Variants in PDLIM2 observed in about 807,000 individuals in gnomAD.
PDLIM2 encodes the protein PDZ and LIM domain protein 2.
A neutral mutation model predicts 54.1 loss-of-function variants in PDLIM2; 51 were observed. The observed-to-expected ratio is 0.94, with a 90% CI of 0.75 to 1.19. The LOEUF is 1.19. PDLIM2 is among the 50% of genes most tolerant of loss of function. PDLIM2 has a pLI of 0.00. For synonymous variants in PDLIM2, 398 were observed against 385.6 expected (o/e 1.03, Z -0.38); for missense variants, 912 against 874.0 (o/e 1.04, Z -0.55).
At chr8:22,589,825 T>G in intron 8 of PDLIM2, 84 bp downstream of exon 7, 2 of 1,513,772 alleles carry the variant, frequency 1.3e-6, no homozygotes, top group South Asian at 1.2e-5. Flanking sequence ...GAACCAGTGT[T>G]CTTAAGTGCC....
chr8:22,579,336 G>A lies in PDLIM2; in HGVS notation c.557G>A (p.Trp186Ter), dbSNP rs1047854793. The A allele has an allele frequency of 1.1e-4, 159 of 1,460,526 alleles. No homozygotes were observed. The highest frequency in any genetic ancestry group is 1.3e-4 in the Non-Finnish European group (146 of 1,113,446). 90.5% of individuals were successfully genotyped at this position (1,460,526 alleles called of 1,614,324 possible). ...GGCCTCGTCCGCGGCCCAGCTCCCT[G>A]GAGCCTCGCATCAGCGGGGGCGCCC... The change falls in exon 1 of 10, where the codon TGG (tryptophan) becomes TAG (stop). Residue 186 changes from tryptophan (W) to a stop codon, truncating the protein, a stop_gained. Coordinates refer to ENST00000308354, the Ensembl canonical transcript of PDLIM2. LOFTEE classifies it high-confidence loss of function.
exon 1 of PDLIM2, chr8:22,579,391 G>T: frequency 6.7e-7 from 1 of 1,502,158 alleles, no homozygotes. Context: ...CGGCCGGAGC[G>T]CTCCTCCTCC....
In PDLIM2 at chr8:22,585,103, C is replaced by A. The variant is rs1800336564; in HGVS notation, c.1152C>A (p.Ser384Arg). ...CCTCCCTCAGCCCGAGGGCCGGCAG[C>A]CCCTTCTCACCACCACCCTCTAGCA... Residue 384 changes from serine to arginine, a missense_variant, in exon 5 of 10, where the codon AGC (serine) becomes AGA (arginine). Transcript: ENST00000308354. 3 of 1,613,952 alleles carry A rather than the reference C, an allele frequency of 1.9e-6. No homozygotes were observed. In the South Asian group the frequency reaches 3.3e-5, roughly 18 times the overall value.
chr8:22,582,790 C>T (rs1046018538), intron 3 of PDLIM2, among the ~76,000 whole-genome samples: 1 of 151,922 alleles, frequency 6.6e-6, no homozygotes, highest in Non-Finnish European at 1.5e-5. Context: ...CCACGTTGGC[C>T]AGGATGGTCT....
intron 8 of PDLIM2, chr8:22,589,963 G>A: frequency 3.4e-6 from 2 of 582,678 alleles, no homozygotes; most frequent in Non-Finnish European, 6.0e-6. Flanking sequence ...CAGAGTAGTG[G>A]GCAGTAGCCA....
At chr8:22,593,884 C>T (rs551380466) in exon 10 of PDLIM2, 1 of 1,549,918 alleles carries the variant, frequency 6.5e-7, no homozygotes, top group African/African-American at 1.4e-5. Flanking sequence ...CTACTCCGCA[C>T]CTGCCACCCT....
chr8:22,578,832 C>G, exon 1 of PDLIM2: 1 of 1,234,464 alleles, frequency 8.1e-7, no homozygotes, highest in Non-Finnish European at 1.0e-6. Context: ...GGGCTGCCCC[C>G]TCGATCGTCT....
At chr8:22,584,153 CACTATGGCT>C (rs1406080799) in intron 3 of PDLIM2, among the ~76,000 whole-genome samples, 94 of 151,126 alleles carry the variant, frequency 6.2e-4, no homozygotes, top group Non-Finnish European at 1.2e-3. Flanking sequence ...AGGCATGCGT[CACTATGGCT>C]TGGCTAAATT....
intron 7 of PDLIM2, 102 bp from the exon 7 acceptor site, chr8:22,589,494 A>G: frequency 1.3e-6 from 2 of 1,519,962 alleles, no homozygotes; most frequent in Non-Finnish European, 1.8e-6. Context: ...TCCACCTCCC[A>G]GATTCCTCCC....
At chr8:22,580,108 T>C (rs77875162) in intron 1 of PDLIM2, 5,591 of 227,374 alleles carry the variant, frequency 0.025, 335 homozygotes, top group African/African-American at 0.12. Context: ...GCCTGTTCCT[T>C]GACCCGTCAC....
chr8:22,579,137 G>A, exon 1 of PDLIM2: 3 of 1,313,448 alleles, frequency 2.3e-6, no homozygotes, highest in African/African-American at 1.5e-5. Flanking sequence ...CCCAGAGTCG[G>A]GTAGACGGCA....
chr8:22,593,630 TC>T, intron 9 of PDLIM2, 102 bp from the exon 9 acceptor site: 1 of 751,130 alleles, frequency 1.3e-6, no homozygotes, highest in Non-Finnish European at 2.0e-6. Flanking sequence ...GGCTTTGGGC[TC>T]CACCCAGGTC....
downstream of PDLIM2, chr8:22,594,589 G>C (rs534979470): frequency 3.3e-4 from 527 of 1,614,078 alleles, 13 homozygotes; most frequent in South Asian, 5.5e-3. Context: ...AGGGGATGGT[G>C]GAGGGCGCCA....
At chr8:22,594,129 T>C (rs756323818) in exon 10 of PDLIM2, 5 of 1,425,320 alleles carry the variant, frequency 3.5e-6, no homozygotes, top group Non-Finnish European at 3.7e-6. Context: ...GGACTGGCAT[T>C]GCACTAGTCT....
Position 22,581,538 on chromosome 8 carries a change from C to G in PDLIM2, c.995+8C>G. 1 of 1,565,668 alleles carries G rather than the reference C, an allele frequency of 6.4e-7. No homozygotes were observed. The highest frequency in any genetic ancestry group is 8.6e-7 in the Non-Finnish European group (1 of 1,162,322). On this transcript the variant is annotated splice_region_variant and intron_variant, in intron 3 of 9. Transcript: ENST00000308354. ...GCGGCTGCAGCTGGACCGGTAGGGC[C>G]TCCCGCTCTGCAGAGCCTGTGGCAT...
Position 22,579,377 on chromosome 8 carries a change from TC to T in PDLIM2, c.602del (p.Pro201ArgfsTer53). 6.7e-7 allele frequency: 1 copy of T among 1,496,254 alleles called. No individual in the cohort carries two copies. The highest frequency in any genetic ancestry group is 2.8e-5 in the East Asian group (1 of 35,748). 92.7% of individuals were successfully genotyped at this position (1,496,254 alleles called of 1,614,324 possible). A position where few individuals can be genotyped will look rare whatever the true frequency, so the allele number is the denominator to read the frequency against. ...GGGGGCGCCCCCGCGAGCTGCGCTC[TC>T]CCCGGCCGGAGCGCTCCTCCTCCAG... On this transcript the variant is annotated frameshift_variant, in exon 1 of 10. Transcript: ENST00000308354. LOFTEE classifies it high-confidence loss of function.
At chr8:22,589,318 C>A in exon 7 of PDLIM2, 1 of 1,534,266 alleles carries the variant, frequency 6.5e-7, no homozygotes, top group Non-Finnish European at 8.7e-7. Flanking sequence ...GCCGCGCTGG[C>A]GACTCGGCGG....
intron 6 of PDLIM2, 57 bp from the exon 6 acceptor site, chr8:22,589,241 G>T: frequency 6.6e-7 from 1 of 1,517,766 alleles, no homozygotes; most frequent in Non-Finnish European, 8.8e-7. Flanking sequence ...GGCCCTCCTG[G>T]GTGTGTTGGC....
chr8:22,589,327 G>C (rs759268283), exon 7 of PDLIM2: 1 of 1,534,194 alleles, frequency 6.5e-7, no homozygotes, highest in Non-Finnish European at 8.7e-7. Context: ...GCGACTCGGC[G>C]GTGCTGGTGC....
Sources: gnomAD v4.1 joint callset for allele counts (sites outside exome capture counted in the v4.1 genomes callset) on GRCh38, gnomAD v4.1.1 for gene constraint, MANE v1.5 for transcripts, NCBI Gene and HGNC (gene_info 2026-07-23, HGNC 2026-07-21) for gene names.